Variants in KANSL1L observed in about 807,000 individuals in gnomAD.
KANSL1L encodes KAT8 regulatory NSL complex subunit 1 like, also known as KAT8 regulatory NSL complex subunit 1-like protein.
Under a neutral mutation model 108.6 loss-of-function variants are expected in KANSL1L, and 25 were observed. The observed-to-expected ratio is 0.23, with a 90% CI of 0.17 to 0.32. The LOEUF is 0.32. Ranked by LOEUF, KANSL1L falls within the 10% of genes least tolerant of loss-of-function variation. The pLI is 1.00. For synonymous variants in KANSL1L, 405 were observed against 395.1 expected, an observed-to-expected ratio of 1.03 and a Z score of -0.30; for missense variants, 1,137 against 1,125.7, an observed-to-expected ratio of 1.01 and a Z score of -0.14.
At chr2:210,077,572 G>A (rs1446394538) in intron 5 of KANSL1L, among the ~76,000 whole-genome samples, 1 of 152,112 alleles carries the variant, frequency 6.6e-6, no homozygotes, top group Non-Finnish European at 1.5e-5. Context: ...GTTAAGTCAG[G>A]AGATGTAGGA....
chr2:210,060,792 G>A (rs1050338407), intron 6 of KANSL1L, among the ~76,000 whole-genome samples: 3 of 152,228 alleles, frequency 2.0e-5, no homozygotes, highest in African/African-American at 7.2e-5. Flanking sequence ...CTAGATACCA[G>A]AGGGGTGGGA....
At chr2:210,024,311 GT>G in intron 13 of KANSL1L, 110 bp from the exon 14 acceptor site, 1 of 757,318 alleles carries the variant, frequency 1.3e-6, no homozygotes, top group Non-Finnish European at 2.0e-6. Flanking sequence ...ACTTTAAACA[GT>G]TTTGCCCAAA....
intron 2 of KANSL1L, among the ~76,000 whole-genome samples, chr2:210,137,899 T>A (rs1325801084): frequency 6.6e-6 from 1 of 151,970 alleles, no homozygotes; most frequent in Non-Finnish European, 1.5e-5. Context: ...GGCATGGTGG[T>A]GCATACCTGT....
Position 210,153,639 on chromosome 2 carries a change from C to T in KANSL1L, c.944G>A (p.Arg315Gln), listed in dbSNP as rs140505418. 238 of 1,611,222 alleles carry T rather than the reference C, an allele frequency of 1.5e-4. No homozygotes were observed. The African/African-American group carries it at 2.7e-3, about 18-fold the overall frequency. The change falls in exon 2 of 15, where the codon CGG becomes CAG. Residue 315 changes from arginine to glutamine, a missense_variant. By Grantham distance (43) the Arg-to-Gln change is conservative. This residue lies in a region of KANSL1L where 556 missense variants were observed against 537.7 expected (regional missense o/e 1.03). Transcript: ENST00000281772. ...LWDDAKNGFA[R>Q]CTAAEIQRFA... ...TCTTTGGATTTCCGCAGCTGTACACCGTGCAAAGCCATTTTTTGCATCATC... is the reference window on the plus strand; with the variant it reads ...TCTTTGGATTTCCGCAGCTGTACACTGTGCAAAGCCATTTTTTGCATCATC...
chr2:210,024,077 A>G lies in KANSL1L; in HGVS notation c.2689T>C (p.Cys897Arg). 1 of 1,606,438 alleles carries G rather than the reference A, an allele frequency of 6.2e-7. No individual in the cohort carries two copies. The change falls in exon 14 of 15, where the codon TGT (cysteine) becomes CGT (arginine). Residue 897 changes from cysteine to arginine, a missense_variant. Physicochemically the swap from Cys to Arg is radical, Grantham distance 180 (BLOSUM62 -3). Around this residue, in one of 3 missense-constraint regions of KANSL1L, gnomAD observed 575 missense variants for 567.1 expected, o/e 1.01. Transcript: ENST00000281772. ...TTTAAAGAAGGTAAGCCATATGCAC[A>G]CAGATCCTGGTTCTCTGAAGGAAGC... The part of the protein sequence containing the change: ...PGLPSENQDL[C>R]AYGLPSLNQS...
At chr2:210,043,889 T>G (rs2094195677) in intron 7 of KANSL1L, 50 bp downstream of exon 7, 3 of 1,269,752 alleles carry the variant, frequency 2.4e-6, no homozygotes, top group African/African-American at 1.5e-5. Flanking sequence ...GAGGATTAGA[T>G]TTCAGTACAG....
intron 3 of KANSL1L, among the ~76,000 whole-genome samples, chr2:210,108,677 G>T (rs1043003516): frequency 6.6e-6 from 1 of 152,082 alleles, no homozygotes. Context: ...GAGATTATGC[G>T]GTGATCTTGA....
intron 12 of KANSL1L, among the ~76,000 whole-genome samples, chr2:210,025,449 G>A (rs1217815074): frequency 6.6e-6 from 1 of 152,130 alleles, no homozygotes; most frequent in African/African-American, 2.4e-5. Context: ...ACAGCTACTC[G>A]GGAGGCTGAG....
intron 3 of KANSL1L, among the ~76,000 whole-genome samples, chr2:210,106,533 G>A (rs2094848354): frequency 6.6e-6 from 1 of 151,870 alleles, no homozygotes; most frequent in Non-Finnish European, 1.5e-5. Flanking sequence ...CTTTGGGAGG[G>A]TGAGGCAGGT....
In KANSL1L at chr2:210,147,789, C is replaced by A. The variant is rs144694420; in HGVS notation, c.1088+5706G>T. ...TAATGAAATGTTTTCAGTCTCTTTG[C>A]CCTTTGAATCTTGGCACTGAGTTTC... On this transcript the variant is annotated intron_variant, in intron 2 of 14. Transcript: ENST00000281772. Among the ~76,000 whole-genome samples, 693 of 152,256 alleles carry A rather than the reference C, an allele frequency of 4.6e-3. 5 individuals carry two copies. Among genetic ancestry groups the A allele is most frequent in the African/African-American group, 0.016 (664 of 41,534 alleles).
At chr2:210,159,737 C>T (rs4673502) in intron 1 of KANSL1L, among the ~76,000 whole-genome samples, 148,358 of 152,342 alleles carry the variant, frequency 0.97, 72,365 homozygotes, top group Middle Eastern at 1. Flanking sequence ...ATTTCATGAA[C>T]ACAAGACTGG....
chr2:210,124,806 T>C (rs2095051570), intron 3 of KANSL1L, among the ~76,000 whole-genome samples: 1 of 151,878 alleles, frequency 6.6e-6, no homozygotes, highest in Non-Finnish European at 1.5e-5. Context: ...AAATCAGAAA[T>C]AAAGCTGGGG....
intron 6 of KANSL1L, among the ~76,000 whole-genome samples, chr2:210,060,065 A>G (rs1210001154): frequency 6.6e-6 from 1 of 152,164 alleles, no homozygotes; most frequent in Non-Finnish European, 1.5e-5. Flanking sequence ...TTAAATTTCT[A>G]TGAGATGATA....
chr2:210,135,975 TAAAC>T lies in KANSL1L; in HGVS notation c.1089-6807_1089-6804del, dbSNP rs1457814828. Among the ~76,000 whole-genome samples, 11 of 152,176 alleles carry T rather than the reference TAAAC, an allele frequency of 7.2e-5. No individual in the cohort carries two copies. In the South Asian group the frequency reaches 2.3e-3, roughly 32 times the overall value. The stretch of plus-strand genomic sequence containing the variant: ...CACATATATGCACACATTCATGAAG[TAAAC>T]AACAAACAAAAACAAAAAAATAAAT... On this transcript the variant is annotated intron_variant, in intron 2 of 14. Coordinates refer to ENST00000281772, the MANE Select transcript of KANSL1L (RefSeq NM_152519.4).
At chr2:210,103,926 T>C (rs1448015068) in intron 4 of KANSL1L, 178 bp downstream of exon 4, 1 of 406,326 alleles carries the variant, frequency 2.5e-6, no homozygotes, top group East Asian at 3.9e-5. Context: ...TTAAATTATA[T>C]TGGTATTATA....
At chr2:210,082,060 A>G (rs1311594636) in intron 5 of KANSL1L, among the ~76,000 whole-genome samples, 1 of 152,154 alleles carries the variant, frequency 6.6e-6, no homozygotes, top group Non-Finnish European at 1.5e-5. Flanking sequence ...CAGGCCTCTG[A>G]GTAGCTGGGA....
chr2:210,053,610 GA>G (rs1376250944), intron 6 of KANSL1L, among the ~76,000 whole-genome samples: 2 of 150,778 alleles, frequency 1.3e-5, no homozygotes, highest in Non-Finnish European at 3.0e-5. Flanking sequence ...CAAACAAACA[GA>G]AAAAAAATAC....
Position 210,153,690 on chromosome 2 carries a change from G to A in KANSL1L, c.893C>T (p.Thr298Ile), listed in dbSNP as rs1207079174. The change falls in exon 2 of 15, where the codon ACA becomes ATA. Residue 298 changes from threonine (T) to isoleucine (I), a missense_variant. Around this residue, in one of 3 missense-constraint regions of KANSL1L, gnomAD observed 556 missense variants for 537.7 expected, o/e 1.03. Transcript: ENST00000281772. ...CCACAATTTATTCTCTGCAGTCAAT[G>A]TGTTAACTTCTGGCTTAATTTCAGT... ...KCTEIKPEVN[T>I]LTAENKLWDD... is the part of the protein sequence containing the mutation. 1.2e-6 allele frequency: 2 copies of A among 1,607,994 alleles called. No homozygotes were observed. The highest frequency in any genetic ancestry group is 1.7e-4 in the Middle Eastern group (1 of 6,030).
chr2:210,143,867 G>C (rs1407956555), intron 2 of KANSL1L, among the ~76,000 whole-genome samples: 1 of 152,096 alleles, frequency 6.6e-6, no homozygotes, highest in Non-Finnish European at 1.5e-5. Flanking sequence ...AAAAACAAGT[G>C]ATTTATACAC....
Sources: allele counts gnomAD v4.1 joint callset (sites outside exome capture counted in the v4.1 genomes callset), GRCh38; gene constraint gnomAD v4.1.1; regional missense constraint gnomAD v4.1.1; transcripts MANE v1.5; gene names NCBI Gene and HGNC (gene_info 2026-07-23, HGNC 2026-07-21).